The following NT5DC1 variants were observed in gnomAD, a reference collection of about 807,000 sequenced individuals.
The protein encoded by NT5DC1 is 5'-nucleotidase domain containing 1.
NT5DC1 carries 42 observed loss-of-function variants against 59.4 expected under a neutral mutation model. The ratio of observed to expected loss-of-function variants is 0.71; its 90% CI spans 0.55 to 0.92. NT5DC1 has a LOEUF of 0.92. NT5DC1 is among the 40% of genes least tolerant of loss of function. The pLI, the probability that NT5DC1 is intolerant of heterozygous loss-of-function variation, is 0.00. For synonymous variants in NT5DC1, 172 were observed against 188.1 expected (o/e 0.91, Z 0.70); for missense variants, 501 against 537.1 (o/e 0.93, Z 0.66).
intron 6 of NT5DC1, among the ~76,000 whole-genome samples, chr6:116,143,011 T>C (rs1186487918): frequency 6.6e-6 from 1 of 152,210 alleles, no homozygotes; most frequent in Non-Finnish European, 1.5e-5. Flanking sequence ...GTTTGTGTCT[T>C]ATTTGGAAGA....
chr6:116,117,463 C>A lies in NT5DC1; in HGVS notation c.445-398C>A, dbSNP rs559104449. Among the ~76,000 whole-genome samples, 3 of 152,110 alleles carry A rather than the reference C, an allele frequency of 2.0e-5. No homozygotes were observed. The South Asian group carries it at 6.2e-4, about 32-fold the overall frequency. On this transcript the variant is annotated intron_variant, in intron 5 of 11. Coordinates refer to ENST00000319550, the MANE Select transcript of NT5DC1 (RefSeq NM_152729.3). ...TATGATGGGGTTTTTTCCTGATAAA[C>A]CCATCGTTAAGTCAAAAATACTATA...
rs555535473 is a variant in NT5DC1, at chr6:116,121,915, A to G, written c.529+3970A>G. On this transcript the variant is annotated intron_variant, in intron 6 of 11. Coordinates refer to ENST00000319550, the MANE Select transcript of NT5DC1 (RefSeq NM_152729.3). ...GACCTGGGTGCCCTCGAGGTCCAGC[A>G]GGGCCTGGTGGACCAGGAGTACCTT... 4.3e-6 allele frequency: 7 copies of G among 1,613,798 alleles called. No homozygotes were observed. In the African/African-American group the frequency reaches 9.3e-5, roughly 22 times the overall value.
intron 6 of NT5DC1, among the ~76,000 whole-genome samples, chr6:116,207,710 T>C (rs909817585): frequency 6.6e-6 from 1 of 151,908 alleles, no homozygotes; most frequent in African/African-American, 2.4e-5. Flanking sequence ...TAGAGTAGAA[T>C]ATTCTGGGAA....
intron 6 of NT5DC1, among the ~76,000 whole-genome samples, chr6:116,207,765 C>G (rs1781487406): frequency 6.6e-6 from 1 of 151,940 alleles, no homozygotes; most frequent in African/African-American, 2.4e-5. Context: ...CAGGTTCCCA[C>G]TGTATTTCTA....
At chr6:116,169,851 G>C (rs1780565782) in intron 6 of NT5DC1, among the ~76,000 whole-genome samples, 1 of 152,166 alleles carries the variant, frequency 6.6e-6, no homozygotes, top group South Asian at 2.1e-4. Flanking sequence ...GAAAAACTCA[G>C]ATTGAGCAAG....
At position 116,159,909 on chromosome 6, in the gene NT5DC1, T is replaced by G. The variant is rs146848847; in HGVS notation, c.529+41964T>G. The stretch of plus-strand genomic sequence containing the variant: ...AGTTGTTTCACTTAAGATCATGGCC[T>G]CCAGCTCTATCCATGTTGTTGCAAA... On this transcript the variant is annotated intron_variant, in intron 6 of 11. Transcript: ENST00000319550. 3.9e-3 allele frequency among the ~76,000 whole-genome samples: 601 copies of G among 152,328 alleles called. 3 individuals are homozygous for G. Among genetic ancestry groups the G allele is most frequent in the Admixed American group, 6.5e-3 (99 of 15,300 alleles).
chr6:116,221,879 A>G (rs1448210848), intron 7 of NT5DC1, among the ~76,000 whole-genome samples: 1 of 152,214 alleles, frequency 6.6e-6, no homozygotes, highest in Non-Finnish European at 1.5e-5. Context: ...AGACAGGAAT[A>G]GTTGATAGAC....
chr6:116,197,062 T>C (rs1781244432), intron 6 of NT5DC1, among the ~76,000 whole-genome samples: 1 of 151,728 alleles, frequency 6.6e-6, no homozygotes, highest in Non-Finnish European at 1.5e-5. Flanking sequence ...AGCCATAGCC[T>C]CAGAGCCAGA....
chr6:116,106,243 G>A lies in NT5DC1; in HGVS notation c.94-1G>A. 1.4e-6 allele frequency: 2 copies of A among 1,469,316 alleles called. No homozygotes were observed. The highest frequency in any genetic ancestry group is 9.5e-7 in the Non-Finnish European group (1 of 1,049,578). The allele number at this position is 1,469,316 out of a possible 1,614,324, so 91.0% of individuals were successfully genotyped here. ...TCTGTTTTTCTTCCCCTTATTTGCA[G>A]CTCATTTATAATAGCTTTGCCCAGT... On this transcript the variant is annotated splice_acceptor_variant, in intron 1 of 11. Transcript: ENST00000319550. LOFTEE classifies it high-confidence loss of function.
At chr6:116,169,064 C>G (rs1032901150) in intron 6 of NT5DC1, among the ~76,000 whole-genome samples, 2 of 152,172 alleles carry the variant, frequency 1.3e-5, no homozygotes, top group African/African-American at 4.8e-5. Flanking sequence ...TCCTCCAAGC[C>G]TCTTGAAGAT....
intron 3 of NT5DC1, among the ~76,000 whole-genome samples, chr6:116,109,288 C>A (rs886403788): frequency 1.8e-4 from 28 of 152,216 alleles, no homozygotes; most frequent in South Asian, 6.2e-4. Context: ...TTCCCCCGAC[C>A]TTCCCCTAAG....
Position 116,101,037 on chromosome 6 carries a change from GCTCCGGGGCGCACTGCGCGCAAC to G in NT5DC1, c.93+19_93+41del. 6.4e-7 allele frequency: 1 copy of G among 1,562,926 alleles called. No individual in the cohort carries two copies. The highest frequency in any genetic ancestry group is 8.7e-7 in the Non-Finnish European group (1 of 1,148,366). ...GAGAGCGCCCCGGTGAGTGGCGCGG[GCTCCGGGGCGCACTGCGCGCAAC>G]CTCCATGGCGGCTGGGGCTTGAGTT... is the stretch of plus-strand genomic sequence containing the variant. On this transcript the variant is annotated intron_variant, in intron 1 of 11. Transcript: ENST00000319550.
At chr6:116,242,897 C>G (rs1021678849) in intron 11 of NT5DC1, among the ~76,000 whole-genome samples, 7 of 152,140 alleles carry the variant, frequency 4.6e-5, no homozygotes, top group African/African-American at 1.2e-4. Flanking sequence ...AAAATCTCTA[C>G]TGGTTTTTCT....
At chr6:116,116,370 G>T (rs1778963077) in intron 5 of NT5DC1, among the ~76,000 whole-genome samples, 1 of 152,188 alleles carries the variant, frequency 6.6e-6, no homozygotes, top group African/African-American at 2.4e-5. Context: ...GGGGCCAGGT[G>T]CAGTGGCTTA....
At chr6:116,145,794 A>C (rs959387515) in intron 6 of NT5DC1, among the ~76,000 whole-genome samples, 2 of 152,248 alleles carry the variant, frequency 1.3e-5, no homozygotes, top group Non-Finnish European at 2.9e-5. Flanking sequence ...TTAATTTACT[A>C]TTTTATTTTT....
chr6:116,152,015 A>G (rs1167414888), intron 6 of NT5DC1, among the ~76,000 whole-genome samples: 1 of 152,210 alleles, frequency 6.6e-6, no homozygotes, highest in Non-Finnish European at 1.5e-5. Context: ...ATTGACTAAG[A>G]TGCAGGATTA....
intron 6 of NT5DC1, among the ~76,000 whole-genome samples, chr6:116,141,830 C>T (rs1453206679): frequency 6.8e-6 from 1 of 147,036 alleles, no homozygotes; most frequent in African/African-American, 2.5e-5. Flanking sequence ...CATTTAATTA[C>T]TGAAAATCCT....
At chr6:116,119,862 C>G in intron 6 of NT5DC1, 1 of 562,402 alleles carries the variant, frequency 1.8e-6, no homozygotes, top group Non-Finnish European at 3.1e-6. Context: ...CTTAAGATTG[C>G]TAACTAGAAA....
At chr6:116,199,998 G>GCC (rs1562161634) in intron 6 of NT5DC1, among the ~76,000 whole-genome samples, 1 of 113,372 alleles carries the variant, frequency 8.8e-6, no homozygotes, top group African/African-American at 5.7e-5. Context: ...AGTATGGAAA[G>GCC]TGGGGGGGGA....
Sources: gnomAD v4.1 joint callset for allele counts (sites outside exome capture counted in the v4.1 genomes callset) on GRCh38, gnomAD v4.1.1 for gene constraint, MANE v1.5 for transcripts, NCBI Gene and HGNC (gene_info 2026-07-23, HGNC 2026-07-21) for gene names.